Variants in VWA2 observed in about 807,000 individuals in gnomAD.
VWA2 encodes von Willebrand factor A domain-containing protein 2.
VWA2 carries 73 observed loss-of-function variants against 70.4 expected under a neutral mutation model. The observed-to-expected ratio is 1.04, with a 90% CI of 0.86 to 1.26. VWA2 has a LOEUF of 1.26. Among genes scored for constraint, VWA2 ranks in the 50% most tolerant of loss-of-function variants. The probability of loss-of-function intolerance (pLI) is 0.00; values close to 1 mark genes in which losing one functional copy is unlikely to be tolerated. For synonymous variants in VWA2, 407 were observed against 423.3 expected, an observed-to-expected ratio of 0.96 and a Z score of 0.47; for missense variants, 1,011 against 998.5, an observed-to-expected ratio of 1.01 and a Z score of -0.17.
intron 4 of VWA2, among the ~76,000 whole-genome samples, chr10:114,255,601 T>C (rs987845095): frequency 2.6e-5 from 4 of 152,214 alleles, no homozygotes; most frequent in African/African-American, 9.6e-5. Flanking sequence ...AGACTAAAGC[T>C]GTTACTACCT....
chr10:114,258,879 C>A (rs2037384960), intron 4 of VWA2, among the ~76,000 whole-genome samples: 1 of 152,180 alleles, frequency 6.6e-6, no homozygotes, highest in African/African-American at 2.4e-5. Context: ...CTCACATTTT[C>A]ATGGAAATCT....
intron 4 of VWA2, among the ~76,000 whole-genome samples, chr10:114,258,083 G>C (rs536259345): frequency 1.3e-5 from 2 of 152,238 alleles, no homozygotes. Flanking sequence ...AAGTGAATTA[G>C]TGTCTTGACC....
intron 11 of VWA2, among the ~76,000 whole-genome samples, chr10:114,287,304 C>T (rs896297028): frequency 1.3e-5 from 2 of 152,148 alleles, no homozygotes; most frequent in African/African-American, 4.8e-5. Flanking sequence ...CCTCAGCCTC[C>T]AGAATAGCCA....
At chr10:114,289,992 C>CAA (rs35165936) in intron 12 of VWA2, 59 of 212,908 alleles carry the variant, frequency 2.8e-4, no homozygotes, top group Middle Eastern at 1.5e-3. Context: ...GATTCTGCCT[C>CAA]AAAAAAAAAA....
At chr10:114,275,884 C>T (rs568228660) in intron 6 of VWA2, among the ~76,000 whole-genome samples, 9 of 152,142 alleles carry the variant, frequency 5.9e-5, no homozygotes, top group East Asian at 3.8e-4. Flanking sequence ...GCCGAGATTA[C>T]GCCACTGCAG....
intron 4 of VWA2, among the ~76,000 whole-genome samples, chr10:114,259,487 TGTG>T (rs1437154660): frequency 2.0e-5 from 3 of 151,982 alleles, no homozygotes; most frequent in South Asian, 2.1e-4. Context: ...TTTTTTTTCA[TGTG>T]GTCACATTTA....
At chr10:114,255,124 G>C in intron 4 of VWA2, 76 bp downstream of exon 4, 1 of 1,568,722 alleles carries the variant, frequency 6.4e-7, no homozygotes, top group Non-Finnish European at 8.7e-7. Context: ...CTCAAGCAGA[G>C]GAGGCATCTA....
At chr10:114,282,283 C>T (rs1311520655) in intron 8 of VWA2, among the ~76,000 whole-genome samples, 7 of 152,250 alleles carry the variant, frequency 4.6e-5, no homozygotes, top group South Asian at 4.1e-4. Flanking sequence ...GGATTGCAGG[C>T]GTGAGCCACC....
At chr10:114,270,005 A>G (rs573838508) in intron 5 of VWA2, among the ~76,000 whole-genome samples, 1 of 152,358 alleles carries the variant, frequency 6.6e-6, no homozygotes, top group South Asian at 2.1e-4. Context: ...AAAGTTGTAT[A>G]GTACATAATT....
At position 114,289,279 on chromosome 10, in the gene VWA2, G is replaced by T. The variant is rs766858511; in HGVS notation, c.1912G>T (p.Val638Leu). ...GCCTGGTGTCCCCAAAGCTGTGGTG[G>T]TGCTCACAGGCGGGAGAGGCGCAGA... ...ARPGVPKAVVVLTGGRGAEDA... is the reference protein window; with the variant it reads ...ARPGVPKAVVLLTGGRGAEDA... Residue 638 changes from valine (V) to leucine (L), a missense_variant, in exon 12 of 14, where the codon GTG becomes TTG. Transcript: ENST00000392982. 2.5e-6 allele frequency: 4 copies of T among 1,614,092 alleles called. No individual in the cohort carries two copies. The African/African-American group carries it at 4.0e-5, about 16-fold the overall frequency.
At chr10:114,251,475 G>T (rs2037194869) in intron 2 of VWA2, among the ~76,000 whole-genome samples, 2 of 152,254 alleles carry the variant, frequency 1.3e-5, no homozygotes, top group Non-Finnish European at 2.9e-5. Flanking sequence ...ATCCTGGGGA[G>T]ATGGCTGGCC....
intron 4 of VWA2, among the ~76,000 whole-genome samples, chr10:114,259,232 A>G (rs2037391952): frequency 6.6e-6 from 1 of 152,102 alleles, no homozygotes; most frequent in Admixed American, 6.5e-5. Flanking sequence ...GAAAAATGCT[A>G]TTTCATTATG....
chr10:114,261,315 G>A lies in VWA2; in HGVS notation c.371+20G>A, dbSNP rs1487991598. 6.3e-7 allele frequency: 1 copy of A among 1,592,746 alleles called. No individual in the cohort carries two copies. The highest frequency in any genetic ancestry group is 1.3e-5 in the African/African-American group (1 of 74,532). On this transcript the variant is annotated intron_variant, in intron 5 of 13. Transcript: ENST00000392982. The stretch of plus-strand genomic sequence containing the variant: ...TTTCAAGTATGTATGATCAGATACT[G>A]CTGTGGTTAGGGTGACGCCAACTGC...
Position 114,285,968 on chromosome 10 carries a change from G to C in VWA2, c.1027G>C (p.Asp343His). The change falls in exon 11 of 14, where the codon GAC (aspartate) becomes CAC (histidine). Residue 343 changes from aspartate (D) to histidine (H), a missense_variant. Transcript: ENST00000392982. ...GAAGCTGAGCCTGGAATGCAGGGTC[G>C]ACCTCCTCTTCCTGCTGGACAGCTC... Reference protein sequence around the residue: ...ALKLSLECRVDLLFLLDSSAG... With the variant: ...ALKLSLECRVHLLFLLDSSAG... 6.2e-7 allele frequency: 1 copy of C among 1,607,940 alleles called. No individual in the cohort carries two copies. The highest frequency in any genetic ancestry group is 8.5e-7 in the Non-Finnish European group (1 of 1,175,802).
At chr10:114,274,918 C>T (rs976788957) in intron 6 of VWA2, among the ~76,000 whole-genome samples, 5 of 152,154 alleles carry the variant, frequency 3.3e-5, no homozygotes, top group East Asian at 3.9e-4. Flanking sequence ...TGCCATCTCC[C>T]GACATGGGAA....
chr10:114,290,108 C>A (rs2039420008), intron 12 of VWA2, 132 bp from the exon 13 acceptor site: 2 of 1,270,580 alleles, frequency 1.6e-6, no homozygotes, highest in Non-Finnish European at 2.2e-6. Flanking sequence ...GCAGCACCAA[C>A]CATGAGCTAC....
At chr10:114,239,607 A>T (rs944550773) in intron 1 of VWA2, 38 bp downstream of exon 1, 1 of 151,514 alleles carries the variant, frequency 6.6e-6, no homozygotes, top group African/African-American at 2.4e-5. Context: ...GCGCCCGGGT[A>T]CCCGCCAGTG....
At chr10:114,241,719 T>A (rs757993775) in intron 1 of VWA2, among the ~76,000 whole-genome samples, 21 of 152,124 alleles carry the variant, frequency 1.4e-4, no homozygotes, top group Non-Finnish European at 5.9e-5. Context: ...GTAAATGAAA[T>A]TTCATGTAAT....
intron 2 of VWA2, among the ~76,000 whole-genome samples, chr10:114,251,763 T>C (rs905782542): frequency 8.7e-5 from 13 of 149,384 alleles, no homozygotes; most frequent in African/African-American, 3.2e-4. Context: ...TGGGCCGCAG[T>C]GGGCCCAGGA....
Sources: allele counts gnomAD v4.1 joint callset (sites outside exome capture counted in the v4.1 genomes callset), GRCh38; gene constraint gnomAD v4.1.1; transcripts MANE v1.5; gene names NCBI Gene and HGNC (gene_info 2026-07-23, HGNC 2026-07-21).